PWWP3A: variants seen among roughly 807,000 people sequenced by gnomAD.
The protein encoded by PWWP3A is PWWP domain containing 3A, DNA repair factor, also known as PWWP domain-containing DNA repair factor 3A.
In PWWP3A, 53 loss-of-function variants were observed where a neutral mutation model predicts 79.0. That is an observed-to-expected ratio of 0.67 (90% CI 0.54 to 0.84). PWWP3A has a LOEUF of 0.84. PWWP3A is among the 40% of genes least tolerant of loss of function. The probability of loss-of-function intolerance (pLI) is 0.00; values close to 1 mark genes in which losing one functional copy is unlikely to be tolerated. For synonymous variants in PWWP3A, 443 were observed against 394.4 expected, an observed-to-expected ratio of 1.12 and a Z score of -1.46; for missense variants, 973 against 948.0, an observed-to-expected ratio of 1.03 and a Z score of -0.35.
rs1434741663 is a variant in PWWP3A at position 1,358,687 on chromosome 19, C to T, written c.214+223C>T. On this transcript the variant is annotated intron_variant, in intron 4 of 13. Transcript: ENST00000591337. The stretch of plus-strand genomic sequence containing the variant: ...TAGAACCACTCCTATTCTTGACGCC[C>T]AGAATGGTCAGTGGTGAGCATCAAG... 3.3e-6 allele frequency: 5 copies of T among 1,520,922 alleles called. No individual in the cohort carries two copies. The Admixed American group carries it at 9.9e-5, about 30-fold the overall frequency. 94.2% of individuals were successfully genotyped at this position (1,520,922 alleles called of 1,614,324 possible).
chr19:1,375,379 C>G (rs1200564927), intron 13 of PWWP3A, among the ~76,000 whole-genome samples: 1 of 143,252 alleles, frequency 7.0e-6, no homozygotes, highest in Non-Finnish European at 1.5e-5. Context: ...CTGTCCCCAT[C>G]AAACAACTGC....
At chr19:1,356,656 T>TAA (rs11396582) in intron 2 of PWWP3A, among the ~76,000 whole-genome samples, 90 of 141,644 alleles carry the variant, frequency 6.4e-4, no homozygotes, top group East Asian at 8.2e-4. Flanking sequence ...TTTTTCACAC[T>TAA]AAAAAAAAAA....
rs2081973922 is a variant in PWWP3A, at chr19:1,360,025, A to G, written c.215-111A>G. The G allele has an allele frequency of 9.3e-7, 1 of 1,077,370 alleles. No homozygotes were observed. Among genetic ancestry groups the G allele is most frequent in the African/African-American group, 1.6e-5 (1 of 62,154 alleles). The allele number at this position is 1,077,370 out of a possible 1,614,324, so 66.7% of individuals were successfully genotyped here. A position where few individuals can be genotyped will look rare whatever the true frequency, so the allele number is the denominator to read the frequency against. Reference sequence around the variant, plus strand: ...TGTTAGTCCTCCCCTTCAGTGATTTAGGTATGAAACTAGCCGTCAGAATGA... The same window carrying G: ...TGTTAGTCCTCCCCTTCAGTGATTTGGGTATGAAACTAGCCGTCAGAATGA... On this transcript the variant is annotated intron_variant, in intron 4 of 13. Transcript: ENST00000591337. This position sits in a 1 kb window ranked among gnomAD's most constrained non-coding sequence, Gnocchi z 4.4.
intron 13 of PWWP3A, chr19:1,373,526 G>T (rs1291916424): frequency 4.2e-6 from 1 of 240,018 alleles, no homozygotes; most frequent in Non-Finnish European, 8.2e-6. Flanking sequence ...TTAAGCAGCA[G>T]CACGGCCCGG....
rs1245272804 is a variant in PWWP3A at position 1,369,018 on chromosome 19, C to T, written c.1423-247C>T. On this transcript the variant is annotated intron_variant, in intron 9 of 13. Transcript: ENST00000591337. The surrounding 1 kb of genome is among the most constrained non-coding windows in gnomAD (Gnocchi z 4.0). The stretch of plus-strand genomic sequence containing the variant: ...CTGCGTTCAGATCAGCCCAAGCCAT[C>T]GGGTCCCCGGTGCCCACCATTTGAG... 2.3e-5 allele frequency: 11 copies of T among 468,904 alleles called. No homozygotes were observed. Among genetic ancestry groups the T allele is most frequent in the South Asian group, 6.2e-5 (3 of 48,192 alleles). The allele number at this position is 468,904 out of a possible 1,614,324, so 29.0% of individuals were successfully genotyped here.
chr19:1,362,570 A>C (rs1162691057), intron 6 of PWWP3A, among the ~76,000 whole-genome samples: 1 of 152,210 alleles, frequency 6.6e-6, no homozygotes, highest in Non-Finnish European at 1.5e-5. Context: ...ACTCCTGGGA[A>C]GAGACGGCCC....
chr19:1,369,467 G>T lies in PWWP3A; in HGVS notation c.1498+127G>T. The T allele has an allele frequency of 6.7e-7, 1 of 1,485,962 alleles. No homozygotes were observed. Among genetic ancestry groups the T allele is most frequent in the Non-Finnish European group, 9.4e-7 (1 of 1,066,542 alleles). The allele number at this position is 1,485,962 out of a possible 1,614,324, so 92.0% of individuals were successfully genotyped here. On this transcript the variant is annotated intron_variant, in intron 10 of 13. Coordinates refer to ENST00000591337, the MANE Select transcript of PWWP3A (RefSeq NM_001369789.1). This position sits in a 1 kb window ranked among gnomAD's most constrained non-coding sequence, Gnocchi z 4.0. ...TTTCCGTGGGCCTGGGGCATTCCCT[G>T]TGGGTGGGCTGGGGTTCTGGCCTGG...
chr19:1,360,585 G>A lies in PWWP3A; in HGVS notation c.664G>A (p.Ala222Thr). ...TLASKRGGNS[A>T]QKASLCLNGS... ...TGCAAGTAAGAGGGGAGGAAACTCA[G>A]CGCAGAAGGCTAGCTTGTGCCTGAA... Residue 222 changes from alanine (A) to threonine (T), a missense_variant, in exon 5 of 14, where the codon GCG becomes ACG. Ala to Thr is a moderately conservative substitution (Grantham distance 58). Coordinates refer to ENST00000591337, the MANE Select transcript of PWWP3A (RefSeq NM_001369789.1). This position sits in a 1 kb window ranked among gnomAD's most constrained non-coding sequence, Gnocchi z 4.4. 1 of 1,614,222 alleles carries A rather than the reference G, an allele frequency of 6.2e-7. No homozygotes were observed. The highest frequency in any genetic ancestry group is 8.5e-7 in the Non-Finnish European group (1 of 1,180,036).
chr19:1,370,552 C>A, intron 11 of PWWP3A, 90 bp from the exon 12 acceptor site: 1 of 1,215,998 alleles, frequency 8.2e-7, no homozygotes, highest in Non-Finnish European at 1.1e-6. Flanking sequence ...CCCATCCCTG[C>A]CATGTCGCAG....
chr19:1,355,813 C>T (rs1185349778), intron 1 of PWWP3A, among the ~76,000 whole-genome samples: 2 of 150,294 alleles, frequency 1.3e-5, no homozygotes, highest in Non-Finnish European at 3.0e-5. Context: ...ACCTCCTTTT[C>T]ATTTCTGTCA....
chr19:1,376,122 CTTTTTTT>C (rs764962400), intron 13 of PWWP3A, among the ~76,000 whole-genome samples: 3 of 107,650 alleles, frequency 2.8e-5, no homozygotes, highest in Non-Finnish European at 3.8e-5. Flanking sequence ...CTGTCATACT[CTTTTTTT>C]TTTTTTTTTT....
intron 8 of PWWP3A, 135 bp from the exon 9 acceptor site, chr19:1,367,025 G>A (rs1041015212): frequency 3.0e-6 from 2 of 666,906 alleles, no homozygotes; most frequent in Admixed American, 6.1e-5. Flanking sequence ...TGGGGAAACG[G>A]TCACCTTCCA....
In PWWP3A at chr19:1,362,284, T is replaced by G; in HGVS notation, c.1146T>G (p.Asn382Lys). The G allele has an allele frequency of 6.2e-7, 1 of 1,614,042 alleles. No individual in the cohort carries two copies. Among genetic ancestry groups the G allele is most frequent in the African/African-American group, 1.3e-5 (1 of 75,042 alleles). Residue 382 changes from asparagine (N) to lysine (K), a missense_variant, in exon 6 of 14, where the codon AAT (asparagine) becomes AAG (lysine). Coordinates refer to ENST00000591337, the MANE Select transcript of PWWP3A (RefSeq NM_001369789.1). ...CQSSEESMGS[N>K]SMRSILEEDE... is the part of the protein sequence containing the mutation. ...CTTCCGAAGAGTCCATGGGGTCTAA[T>G]TCCATGCGTTCTATCCTGGAGGAAG...
intron 12 of PWWP3A, 104 bp from the exon 13 acceptor site, chr19:1,372,968 G>A (rs1459394425): frequency 3.1e-5 from 27 of 859,214 alleles, no homozygotes; most frequent in South Asian, 2.5e-4. Context: ...ATGTCTGGAG[G>A]CTGGAACCTG....
Position 1,360,798 on chromosome 19 carries a change from G to C in PWWP3A, c.877G>C (p.Glu293Gln). ...AGCCCCTGAGCCCTCGGCCTGCTCAGAGCCTGGAGAATGCCCTGCGAAAAA... is the reference window on the plus strand; with the variant it reads ...AGCCCCTGAGCCCTCGGCCTGCTCACAGCCTGGAGAATGCCCTGCGAAAAA... Reference protein sequence around the residue: ...PPAPEPSACSEPGECPAKKRP... With the variant: ...PPAPEPSACSQPGECPAKKRP... The change falls in exon 5 of 14, where the codon GAG (glutamate) becomes CAG (glutamine). Residue 293 changes from glutamate (E) to glutamine (Q), a missense_variant. Transcript: ENST00000591337. The surrounding 1 kb of genome is among the most constrained non-coding windows in gnomAD (Gnocchi z 4.4). 7 of 1,596,520 alleles carry C rather than the reference G, an allele frequency of 4.4e-6. No individual in the cohort carries two copies. The highest frequency in any genetic ancestry group is 6.0e-6 in the Non-Finnish European group (7 of 1,172,306).
chr19:1,358,992 G>A (rs573020033), intron 4 of PWWP3A: 7 of 308,080 alleles, frequency 2.3e-5, no homozygotes, highest in South Asian at 1.1e-4. Flanking sequence ...GAGGCAGGTC[G>A]GAAGTGGAGC....
intron 1 of PWWP3A, 173 bp from the exon 2 acceptor site, chr19:1,356,151 C>G: frequency 1.8e-6 from 1 of 558,472 alleles, no homozygotes. Flanking sequence ...TACCGAGCCC[C>G]GTCGTTTCTG....
At chr19:1,376,311 G>GTTTTTTTTTTTTTTTT (rs371207367) in intron 13 of PWWP3A, among the ~76,000 whole-genome samples, 1 of 69,884 alleles carries the variant, frequency 1.4e-5, no homozygotes, top group Non-Finnish European at 2.5e-5. Context: ...TTTTTTGTTT[G>GTTTTTTTTTTTTTTTT]TTTTTTTTTT....
intron 6 of PWWP3A, among the ~76,000 whole-genome samples, chr19:1,363,601 T>A (rs1015238325): frequency 6.6e-6 from 1 of 152,236 alleles, no homozygotes; most frequent in African/African-American, 2.4e-5. Flanking sequence ...CTGCCTGCGG[T>A]GGGAGCTGGG....
Sources: allele counts gnomAD v4.1 joint callset (sites outside exome capture counted in the v4.1 genomes callset), GRCh38; gene constraint gnomAD v4.1.1; non-coding constraint Gnocchi (gnomAD v3.1); transcripts MANE v1.5; gene names NCBI Gene and HGNC (gene_info 2026-07-23, HGNC 2026-07-21).